The following LRRC8D variants were observed in gnomAD, a reference collection of about 807,000 sequenced individuals.
LRRC8D encodes the protein volume-regulated anion channel subunit LRRC8D.
Under a neutral mutation model 55.8 loss-of-function variants are expected in LRRC8D, and 20 were observed. That is an observed-to-expected ratio of 0.36 (90% CI 0.25 to 0.52). LRRC8D has a LOEUF of 0.52. LRRC8D is among the 20% of genes least tolerant of loss of function. The pLI is 0.93. For synonymous variants in LRRC8D, 352 were observed against 377.0 expected, an observed-to-expected ratio of 0.93 and a Z score of 0.77; for missense variants, 651 against 1,030.8, an observed-to-expected ratio of 0.63 and a Z score of 5.05.
At chr1:89,928,315 C>T (rs1663618809) in intron 2 of LRRC8D, among the ~76,000 whole-genome samples, 1 of 152,146 alleles carries the variant, frequency 6.6e-6, no homozygotes, top group Non-Finnish European at 1.5e-5. Context: ...AGGTGATCTG[C>T]CCACCTCGGC....
chr1:89,901,698 A>AT (rs1054995321), intron 2 of LRRC8D, among the ~76,000 whole-genome samples: 5 of 152,172 alleles, frequency 3.3e-5, no homozygotes, highest in African/African-American at 9.7e-5. Flanking sequence ...GTGCTCAAAT[A>AT]TTTTTTTTAA....
chr1:89,867,952 A>G (rs1383272542), intron 2 of LRRC8D, among the ~76,000 whole-genome samples: 1 of 152,204 alleles, frequency 6.6e-6, no homozygotes, highest in Admixed American at 6.5e-5. Context: ...CCCTCATTGT[A>G]AGGACTGACT....
intron 2 of LRRC8D, among the ~76,000 whole-genome samples, chr1:89,919,064 T>G (rs1031618011): frequency 1.3e-5 from 2 of 152,238 alleles, no homozygotes; most frequent in Admixed American, 1.3e-4. Flanking sequence ...GAGACAGAAC[T>G]GACAGTTCTG....
intron 2 of LRRC8D, among the ~76,000 whole-genome samples, chr1:89,904,376 G>C (rs1346397189): frequency 6.6e-6 from 1 of 152,216 alleles, no homozygotes; most frequent in Non-Finnish European, 1.5e-5. Flanking sequence ...ACTGTTTTTA[G>C]AGATATCAGC....
intron 1 of LRRC8D, among the ~76,000 whole-genome samples, chr1:89,837,711 T>C (rs1030820975): frequency 1.3e-5 from 2 of 152,204 alleles, no homozygotes; most frequent in African/African-American, 2.4e-5. Context: ...AGTTAAAAAA[T>C]TGATGAATAA....
chr1:89,845,064 C>T (rs74098611), intron 2 of LRRC8D, among the ~76,000 whole-genome samples: 2,229 of 152,256 alleles, frequency 0.015, 61 homozygotes, highest in African/African-American at 0.049. Flanking sequence ...ATACACTGCG[C>T]GCTTTCACTT....
intron 2 of LRRC8D, among the ~76,000 whole-genome samples, chr1:89,879,985 A>C (rs1343892387): frequency 6.6e-6 from 1 of 152,156 alleles, no homozygotes; most frequent in Non-Finnish European, 1.5e-5. Context: ...GATAGTGTGG[A>C]CTGAACTTCA....
intron 2 of LRRC8D, among the ~76,000 whole-genome samples, chr1:89,901,781 T>G (rs559503427): frequency 1.1e-4 from 17 of 152,330 alleles, no homozygotes; most frequent in Non-Finnish European, 2.2e-4. Context: ...TAGCTGGACT[T>G]TCTTATACTT....
chr1:89,936,390 A>G lies in LRRC8D; in HGVS notation c.*745A>G, dbSNP rs573543915. 7 of 166,280 alleles carry G rather than the reference A, an allele frequency of 4.2e-5. No individual in the cohort carries two copies. The highest frequency in any genetic ancestry group is 1.7e-4 in the African/African-American group (7 of 41,592). The allele number at this position is 166,280 out of a possible 1,614,324, so 10.3% of individuals were successfully genotyped here. A position where few individuals can be genotyped will look rare whatever the true frequency, so the allele number is the denominator to read the frequency against. On this transcript the variant is annotated 3_prime_UTR_variant, in exon 3 of 3. Coordinates refer to ENST00000337338, the MANE Select transcript of LRRC8D (RefSeq NM_001134479.2). ...CTACCAGTAATATAGGGTTGCCAATAAATAGAAAATGTTTTCTAAAAATAA... is the reference window on the plus strand; with the variant it reads ...CTACCAGTAATATAGGGTTGCCAATGAATAGAAAATGTTTTCTAAAAATAA...
intron 2 of LRRC8D, among the ~76,000 whole-genome samples, chr1:89,926,703 G>A (rs1663573348): frequency 6.6e-6 from 1 of 152,212 alleles, no homozygotes; most frequent in African/African-American, 2.4e-5. Flanking sequence ...CTGTTGGGCA[G>A]TAGTAATGCC....
chr1:89,874,661 G>A (rs1277198531), intron 2 of LRRC8D, among the ~76,000 whole-genome samples: 1 of 152,094 alleles, frequency 6.6e-6, no homozygotes, highest in Non-Finnish European at 1.5e-5. Flanking sequence ...TATTGACAAA[G>A]GATGTCATTA....
chr1:89,910,935 A>G (rs1449839096), intron 2 of LRRC8D, among the ~76,000 whole-genome samples: 1 of 152,080 alleles, frequency 6.6e-6, no homozygotes, highest in East Asian at 1.9e-4. Context: ...TCTCTACCTC[A>G]TCTTTGTCCC....
chr1:89,845,458 A>G (rs1303502816), intron 2 of LRRC8D, among the ~76,000 whole-genome samples: 1 of 152,122 alleles, frequency 6.6e-6, no homozygotes, highest in Non-Finnish European at 1.5e-5. Context: ...TTATTTTGAG[A>G]CGGTTTTTCA....
intron 2 of LRRC8D, among the ~76,000 whole-genome samples, chr1:89,912,538 C>T (rs572373768): frequency 6.6e-6 from 1 of 152,234 alleles, no homozygotes; most frequent in African/African-American, 2.4e-5. Flanking sequence ...TATAGAACTC[C>T]AGACCCTTTC....
At chr1:89,851,887 A>G (rs1222478518) in intron 2 of LRRC8D, among the ~76,000 whole-genome samples, 2 of 152,204 alleles carry the variant, frequency 1.3e-5, no homozygotes, top group Non-Finnish European at 2.9e-5. Flanking sequence ...ATTTGAAATC[A>G]TGATGGGGAC....
At chr1:89,872,394 G>T (rs1017524669) in intron 2 of LRRC8D, among the ~76,000 whole-genome samples, 1 of 152,214 alleles carries the variant, frequency 6.6e-6, no homozygotes, top group African/African-American at 2.4e-5. Flanking sequence ...AAGGCAGTTG[G>T]TTAGCTGTTG....
At chr1:89,923,981 A>G (rs888580937) in intron 2 of LRRC8D, among the ~76,000 whole-genome samples, 10 of 152,370 alleles carry the variant, frequency 6.6e-5, no homozygotes, top group Non-Finnish European at 2.9e-5. Context: ...AAAACTCTGA[A>G]GAAAACCTAA....
At chr1:89,905,657 G>C (rs1938034) in intron 2 of LRRC8D, among the ~76,000 whole-genome samples, 1 of 152,146 alleles carries the variant, frequency 6.6e-6, no homozygotes, top group Non-Finnish European at 1.5e-5. Context: ...TAGGCCTCCA[G>C]AAATTTTATC....
chr1:89,911,764 C>T lies in LRRC8D; in HGVS notation c.-2-21303C>T, dbSNP rs556663008. Among the ~76,000 whole-genome samples, 15 of 152,328 alleles carry T rather than the reference C, an allele frequency of 9.8e-5. No homozygotes were observed. The highest frequency in any genetic ancestry group is 2.9e-4 in the African/African-American group (12 of 41,578). On this transcript the variant is annotated intron_variant, in intron 2 of 2. Coordinates refer to ENST00000337338, the MANE Select transcript of LRRC8D (RefSeq NM_001134479.2). This position sits in a 1 kb window ranked among gnomAD's most constrained non-coding sequence, Gnocchi z 4.0. ...GGTGACTCTCAGCTGCCAGATCCAG[C>T]GGTCACTTTTGCCCCTTAACGTGCG...
Sources: gnomAD v4.1 joint callset for allele counts (sites outside exome capture counted in the v4.1 genomes callset) on GRCh38, gnomAD v4.1.1 for gene constraint, Gnocchi (gnomAD v3.1) non-coding constraint, MANE v1.5 for transcripts, NCBI Gene and HGNC (gene_info 2026-07-23, HGNC 2026-07-21) for gene names.